CRYL1: variants seen among roughly 807,000 people sequenced by gnomAD.
The protein encoded by CRYL1 is crystallin lambda 1, also known as lambda-crystallin homolog.
CRYL1 carries 29 observed loss-of-function variants against 36.6 expected under a neutral mutation model. That is an observed-to-expected ratio of 0.79 (90% CI 0.59 to 1.08). The LOEUF is 1.08. Among genes scored for constraint, CRYL1 ranks in the 50% least tolerant of loss-of-function variants. CRYL1 has a pLI of 0.00. For missense variants in CRYL1, 411 were observed against 407.9 expected (o/e 1.01, Z -0.06); for synonymous variants, 152 against 151.5 (o/e 1.00, Z -0.02).
At position 20,489,295 on chromosome 13, in the gene CRYL1, T is replaced by C; in HGVS notation, c.276+75A>G. The C allele has an allele frequency of 1.9e-6, 3 of 1,584,566 alleles. No homozygotes were observed. In the East Asian group the frequency reaches 6.7e-5, roughly 36 times the overall value. The stretch of plus-strand genomic sequence containing the variant: ...CCACACCTGCCACTGCTCTGTATCC[T>C]GCCCTGTTCCTCCGGAGAGGCTGGG... On this transcript the variant is annotated intron_variant, in intron 3 of 7. Transcript: ENST00000298248.
chr13:20,465,332 G>A (rs1023979721), intron 3 of CRYL1, among the ~76,000 whole-genome samples: 1 of 152,088 alleles, frequency 6.6e-6, no homozygotes, highest in Non-Finnish European at 1.5e-5. Context: ...GTGACTCTGG[G>A]CAAGTCACTT....
intron 5 of CRYL1, among the ~76,000 whole-genome samples, chr13:20,424,643 CAG>C (rs1277831961): frequency 6.6e-6 from 1 of 152,192 alleles, no homozygotes; most frequent in East Asian, 1.9e-4. Context: ...TCAGAGGAGA[CAG>C]AGACTGAACC....
chr13:20,524,707 T>C (rs1265147649), intron 1 of CRYL1, among the ~76,000 whole-genome samples: 5 of 152,080 alleles, frequency 3.3e-5, no homozygotes, highest in Admixed American at 6.6e-5. Context: ...GCCTTCACTA[T>C]TCAACCACGG....
Position 20,435,828 on chromosome 13 carries a change from A to G in CRYL1, c.439-3532T>C, listed in dbSNP as rs941319813. Among the ~76,000 whole-genome samples, 2 of 151,964 alleles carry G rather than the reference A, an allele frequency of 1.3e-5. No individual in the cohort carries two copies. The highest frequency in any genetic ancestry group is 4.8e-5 in the African/African-American group (2 of 41,368). ...CTTCACCCCCGCTCCGGGAGCAACC[A>G]AAACGGCGAGGCCCACAGGGCCGAC... On this transcript the variant is annotated intron_variant, in intron 4 of 7. Coordinates refer to ENST00000298248, the MANE Select transcript of CRYL1 (RefSeq NM_015974.3). The surrounding 1 kb of genome is among the most constrained non-coding windows in gnomAD (Gnocchi z 4.0).
intron 5 of CRYL1, among the ~76,000 whole-genome samples, chr13:20,429,059 C>T (rs2031995863): frequency 6.6e-6 from 1 of 152,168 alleles, no homozygotes; most frequent in African/African-American, 2.4e-5. Context: ...CCTAGTTGCC[C>T]CCCGACCAAT....
chr13:20,461,453 A>G (rs1475185653), intron 3 of CRYL1, among the ~76,000 whole-genome samples: 2 of 152,036 alleles, frequency 1.3e-5, no homozygotes, highest in African/African-American at 4.8e-5. Flanking sequence ...TACTTTTTTC[A>G]TGTCTACTTT....
chr13:20,496,873 C>T (rs2033614172), intron 2 of CRYL1, among the ~76,000 whole-genome samples: 3 of 150,390 alleles, frequency 2.0e-5, no homozygotes, highest in Admixed American at 2.0e-4. Flanking sequence ...TGTAGGCCCA[C>T]AAGGTCAGAG....
chr13:20,407,571 C>T (rs1470558465), intron 6 of CRYL1, among the ~76,000 whole-genome samples: 1 of 152,148 alleles, frequency 6.6e-6, no homozygotes, highest in Admixed American at 6.5e-5. Context: ...CTTTTGATCC[C>T]CTGGTCTGCC....
chr13:20,487,093 T>A (rs2033415002), intron 3 of CRYL1, among the ~76,000 whole-genome samples: 1 of 152,178 alleles, frequency 6.6e-6, no homozygotes, highest in South Asian at 2.1e-4. Context: ...TTAGGGTAGT[T>A]TTGGATGTTT....
At chr13:20,410,420 T>C (rs1467146839) in intron 6 of CRYL1, among the ~76,000 whole-genome samples, 1 of 146,758 alleles carries the variant, frequency 6.8e-6, no homozygotes, top group Non-Finnish European at 1.5e-5. Flanking sequence ...CATTGGGAGA[T>C]ATACCTAATG....
chr13:20,490,624 C>T (rs185840350), intron 2 of CRYL1, among the ~76,000 whole-genome samples: 1 of 141,256 alleles, frequency 7.1e-6, no homozygotes, highest in African/African-American at 2.6e-5. Context: ...ATCTTAATTA[C>T]TTTTTTTAAA....
intron 3 of CRYL1, among the ~76,000 whole-genome samples, chr13:20,458,564 T>C (rs1240561709): frequency 6.6e-6 from 1 of 152,360 alleles, no homozygotes; most frequent in Non-Finnish European, 1.5e-5. Flanking sequence ...ATTTAACTCA[T>C]AAACTCAAAT....
chr13:20,434,859 C>T (rs531983985), intron 4 of CRYL1, among the ~76,000 whole-genome samples: 1 of 151,776 alleles, frequency 6.6e-6, no homozygotes, highest in East Asian at 1.9e-4. Flanking sequence ...CTTCTCTTTA[C>T]TCTTCTCTCA....
At chr13:20,454,608 A>T (rs2032641533) in intron 3 of CRYL1, among the ~76,000 whole-genome samples, 1 of 151,888 alleles carries the variant, frequency 6.6e-6, no homozygotes, top group Non-Finnish European at 1.5e-5. Flanking sequence ...TTTAGTAGAG[A>T]CGGGGTTTCA....
intron 2 of CRYL1, among the ~76,000 whole-genome samples, chr13:20,511,461 C>T (rs569145880): frequency 6.6e-6 from 1 of 152,278 alleles, no homozygotes; most frequent in South Asian, 2.1e-4. Context: ...GAAGAAGTAA[C>T]TTAACTTCTC....
chr13:20,499,690 A>T (rs2033672158), intron 2 of CRYL1, among the ~76,000 whole-genome samples: 1 of 152,114 alleles, frequency 6.6e-6, no homozygotes, highest in Admixed American at 6.6e-5. Context: ...GTCAAATCTG[A>T]GATGTTGTTT....
intron 4 of CRYL1, among the ~76,000 whole-genome samples, chr13:20,436,703 G>A (rs907815209): frequency 3.3e-5 from 5 of 152,158 alleles, no homozygotes; most frequent in Non-Finnish European, 7.4e-5. Context: ...GGGAACACGT[G>A]GCCGTGCAAC....
intron 3 of CRYL1, among the ~76,000 whole-genome samples, chr13:20,468,323 C>A (rs113905848): frequency 1.2e-4 from 18 of 152,308 alleles, no homozygotes; most frequent in African/African-American, 4.3e-4. Context: ...GACAACGTCT[C>A]CCTGTGTTGC....
chr13:20,438,617 C>T (rs1207772501), intron 4 of CRYL1, among the ~76,000 whole-genome samples: 4 of 152,184 alleles, frequency 2.6e-5, no homozygotes, highest in Non-Finnish European at 5.9e-5. Flanking sequence ...GGCCCAGGGT[C>T]TTTGCTTATG....
Sources: allele counts gnomAD v4.1 joint callset (sites outside exome capture counted in the v4.1 genomes callset), GRCh38; gene constraint gnomAD v4.1.1; non-coding constraint Gnocchi (gnomAD v3.1); transcripts MANE v1.5; gene names NCBI Gene and HGNC (gene_info 2026-07-23, HGNC 2026-07-21).